The following HMCN2 variants were observed in gnomAD, a reference collection of about 807,000 sequenced individuals.
HMCN2 encodes hemicentin 2.
A neutral mutation model predicts 377.5 loss-of-function variants in HMCN2; 325 were observed. The ratio of observed to expected loss-of-function variants is 0.86; its 90% CI spans 0.79 to 0.94. HMCN2 has a LOEUF of 0.94. Ranked by LOEUF, HMCN2 falls within the 40% of genes least tolerant of loss-of-function variation. The probability of loss-of-function intolerance (pLI) is 0.00; values close to 1 mark genes in which losing one functional copy is unlikely to be tolerated. For missense variants in HMCN2, 4,543 were observed against 4,725.3 expected, an observed-to-expected ratio of 0.96 and a Z score of 1.13; for synonymous variants, 2,007 against 2,046.8, an observed-to-expected ratio of 0.98 and a Z score of 0.53.
chr9:130,421,814 C>G (rs1264766532), intron 86 of HMCN2, among the ~76,000 whole-genome samples: 1 of 152,174 alleles, frequency 6.6e-6, no homozygotes, highest in Non-Finnish European at 1.5e-5. Flanking sequence ...CTTGATTCAT[C>G]CATTTAGGAT....
At chr9:130,424,648 A>G in intron 87 of HMCN2, 128 bp from the exon 88 acceptor site, 13 of 933,560 alleles carry the variant, frequency 1.4e-5, no homozygotes, top group Non-Finnish European at 1.9e-5. Context: ...CACAAGGCTG[A>G]GTATGGACAT....
rs752409615 is a variant in HMCN2, at chr9:130,268,723, G to T, written c.259+2586G>T. On this transcript the variant is annotated intron_variant, in intron 1 of 97. Transcript: ENST00000683500. ...GAGAGGACTCCCTGGGGCATGTGGA[G>T]CTGGCTGGGTAAGGACCGGGGGATG... 9.4e-5 allele frequency among the ~76,000 whole-genome samples: 14 copies of T among 149,242 alleles called. 2 individuals are homozygous for T. The highest frequency in any genetic ancestry group is 1.7e-4 in the Non-Finnish European group (11 of 66,382).
intron 15 of HMCN2, 124 bp from the exon 16 acceptor site, chr9:130,319,371 A>G (rs950846473): frequency 1.3e-5 from 2 of 152,266 alleles, no homozygotes; most frequent in East Asian, 1.9e-4. Flanking sequence ...AGCCCTGGAC[A>G]GGAGTCGAGC....
chr9:130,429,415 AG>A, intron 93 of HMCN2, 141 bp from the exon 94 acceptor site: 1 of 987,704 alleles, frequency 1.0e-6, no homozygotes, highest in Non-Finnish European at 1.5e-6. Context: ...AGGTGCTGTG[AG>A]GGCGGCCATG....
rs1844820533 is a variant in HMCN2, at chr9:130,432,503, C to G, written c.14842C>G (p.Gln4948Glu). Residue 4948 changes from glutamine to glutamate, a missense_variant, in exon 97 of 98, where the codon CAG becomes GAG. Gln to Glu is a conservative substitution (Grantham distance 29). Coordinates refer to ENST00000683500, the MANE Select transcript of HMCN2 (RefSeq NM_001291815.2). Reference sequence around the variant, plus strand: ...GTGCTTCAACACCCGTGGCAGCTACCAGTGTGTGGACACACCCTGTCCTGC... The same window carrying G: ...GTGCTTCAACACCCGTGGCAGCTACGAGTGTGTGGACACACCCTGTCCTGC... ...QMCFNTRGSYQCVDTPCPATY... is the reference protein window; with the variant it reads ...QMCFNTRGSYECVDTPCPATY... 3 of 1,550,696 alleles carry G rather than the reference C, an allele frequency of 1.9e-6. No homozygotes were observed. The highest frequency in any genetic ancestry group is 2.6e-6 in the Non-Finnish European group (3 of 1,147,006).
At chr9:130,380,315 T>C (rs886789227) in intron 54 of HMCN2, among the ~76,000 whole-genome samples, 1 of 152,174 alleles carries the variant, frequency 6.6e-6, no homozygotes, top group Admixed American at 6.5e-5. Context: ...GGGTGGGGCT[T>C]AGAAATGCCC....
At chr9:130,280,152 T>TG (rs1835031513) in intron 1 of HMCN2, among the ~76,000 whole-genome samples, 8 of 143,750 alleles carry the variant, frequency 5.6e-5, no homozygotes, top group South Asian at 4.4e-4. Flanking sequence ...GTGTGTGTGT[T>TG]TTTTTTTTTT....
chr9:130,391,900 T>G, intron 65 of HMCN2, 35 bp from the exon 66 acceptor site: 1 of 981,300 alleles, frequency 1.0e-6, no homozygotes, highest in African/African-American at 1.7e-5. Context: ...TCCCAAGACC[T>G]CCGCACTACC....
At chr9:130,285,077 C>G (rs1378503593) in intron 2 of HMCN2, 81 bp from the exon 3 acceptor site, 3 of 441,256 alleles carry the variant, frequency 6.8e-6, no homozygotes, top group Non-Finnish European at 1.4e-5. Flanking sequence ...CTCCCTATGC[C>G]CAGTGGTTTT....
At chr9:130,410,439 G>A (rs1038045390) in intron 84 of HMCN2, 132 bp from the exon 85 acceptor site, 1 of 692,278 alleles carries the variant, frequency 1.4e-6, no homozygotes, top group Non-Finnish European at 2.5e-6. Context: ...CTCTGCGGGG[G>A]ATCAGGTGCC....
chr9:130,421,012 A>G (rs1843973901), intron 86 of HMCN2, among the ~76,000 whole-genome samples: 1 of 152,210 alleles, frequency 6.6e-6, no homozygotes. Flanking sequence ...CCCATAATTC[A>G]GTGACCCAAA....
In HMCN2 at chr9:130,422,151, C is replaced by G. The variant is rs1458393926; in HGVS notation, c.13232-426C>G. Among the ~76,000 whole-genome samples the G allele has an allele frequency of 6.6e-6, 1 of 152,242 alleles. No homozygotes were observed. Among genetic ancestry groups the G allele is most frequent in the Non-Finnish European group, 1.5e-5 (1 of 68,044 alleles). ...GAATGGGGCTGTTCAGGTGATGGCA[C>G]CCGGCTCTGGCTCGGTGCCCTGGCT... On this transcript the variant is annotated intron_variant, in intron 86 of 97. Coordinates refer to ENST00000683500, the MANE Select transcript of HMCN2 (RefSeq NM_001291815.2). The surrounding 1 kb of genome is among the most constrained non-coding windows in gnomAD (Gnocchi z 4.2).
At position 130,394,472 on chromosome 9, in the gene HMCN2, G is replaced by A; in HGVS notation, c.10589G>A (p.Gly3530Asp). 7.8e-7 allele frequency: 1 copy of A among 1,289,816 alleles called. No homozygotes were observed. The highest frequency in any genetic ancestry group is 1.0e-6 in the Non-Finnish European group (1 of 988,842). 79.9% of individuals were successfully genotyped at this position (1,289,816 alleles called of 1,614,324 possible). Residue 3530 changes from glycine to aspartate, a missense_variant, in exon 69 of 98, where the codon GGC becomes GAC. By Grantham distance (94) the Gly-to-Asp change is moderately conservative. This residue lies in a region of HMCN2 where 1,073 missense variants were observed against 1,319.5 expected (regional missense o/e 0.81). Transcript: ENST00000683500. The surrounding 1 kb of genome is among the most constrained non-coding windows in gnomAD (Gnocchi z 5.1). The part of the protein sequence containing the change: ...APMELLCDAQ[G>D]TPQPNITWHK... ...ATGGAGCTCCTCTGTGATGCCCAGG[G>A]CACCCCCCAGCCCAACATCACCTGG...
At chr9:130,396,416 C>A in intron 73 of HMCN2, 103 bp downstream of exon 73, 2 of 974,408 alleles carry the variant, frequency 2.1e-6, no homozygotes, top group Non-Finnish European at 2.7e-6. Flanking sequence ...GTGACTTTAT[C>A]ATCAGGACGT....
intron 15 of HMCN2, among the ~76,000 whole-genome samples, chr9:130,310,918 G>T (rs1395828080): frequency 6.6e-6 from 1 of 152,202 alleles, no homozygotes; most frequent in Admixed American, 6.5e-5. Flanking sequence ...GTGAAATCAG[G>T]CCTGTTAGCA....
rs1386008513 is a variant in HMCN2, at chr9:130,351,386, G to C, written c.4431-37G>C. 7.8e-7 allele frequency: 1 copy of C among 1,284,396 alleles called. No homozygotes were observed. The allele number at this position is 1,284,396 out of a possible 1,614,324, so 79.6% of individuals were successfully genotyped here. On this transcript the variant is annotated intron_variant, in intron 29 of 97. Transcript: ENST00000683500. The surrounding 1 kb of genome is among the most constrained non-coding windows in gnomAD (Gnocchi z 5.4). Reference sequence around the variant, plus strand: ...TGCAGCGTGTCCCATCCAGCCCCTCGGCCTTACTGGCGCTTTTCCCTTGCC... The same window carrying C: ...TGCAGCGTGTCCCATCCAGCCCCTCCGCCTTACTGGCGCTTTTCCCTTGCC...
At chr9:130,366,985 C>T (rs960424091) in intron 43 of HMCN2, among the ~76,000 whole-genome samples, 60 of 152,110 alleles carry the variant, frequency 3.9e-4, no homozygotes, top group African/African-American at 1.4e-3. Flanking sequence ...GTTGGGTGGC[C>T]AGGAATGCTC....
chr9:130,273,982 C>T (rs1428903460), intron 1 of HMCN2, among the ~76,000 whole-genome samples: 1 of 151,790 alleles, frequency 6.6e-6, no homozygotes, highest in Non-Finnish European at 1.5e-5. Flanking sequence ...TGAATTTTAG[C>T]AAGTGATTTT....
rs1452088578 is a variant in HMCN2, at chr9:130,433,969, C to T, written c.*276C>T. The T allele has an allele frequency of 1.3e-5, 5 of 375,566 alleles. No individual in the cohort carries two copies. The highest frequency in any genetic ancestry group is 2.1e-5 in the African/African-American group (1 of 47,354). 23.3% of individuals were successfully genotyped at this position (375,566 alleles called of 1,614,324 possible). A position where few individuals can be genotyped will look rare whatever the true frequency, so the allele number is the denominator to read the frequency against. On this transcript the variant is annotated 3_prime_UTR_variant, in exon 98 of 98. Coordinates refer to ENST00000683500, the MANE Select transcript of HMCN2 (RefSeq NM_001291815.2). ...GGATCAGACCTCCAGGTCTGATCCG[C>T]CCCTCAGTGGGAGCGGGACAGGGAC...
Sources: allele counts gnomAD v4.1 joint callset (sites outside exome capture counted in the v4.1 genomes callset), GRCh38; gene constraint gnomAD v4.1.1; regional missense constraint gnomAD v4.1.1; non-coding constraint Gnocchi (gnomAD v3.1); transcripts MANE v1.5; gene names NCBI Gene and HGNC (gene_info 2026-07-23, HGNC 2026-07-21).